The following SMAD3 variants were observed in gnomAD, a reference collection of about 807,000 sequenced individuals.
SMAD3 encodes SMAD family member 3.
Under a neutral mutation model 51.8 loss-of-function variants are expected in SMAD3, and 12 were observed. That is an observed-to-expected ratio of 0.23 (90% CI 0.15 to 0.38). The LOEUF (loss-of-function observed/expected upper bound fraction) is 0.38, where lower values mean the gene tolerates loss of function less well. Ranked by LOEUF, SMAD3 falls within the 10% of genes least tolerant of loss-of-function variation. The pLI is 1.00. For synonymous variants in SMAD3, 238 were observed against 227.7 expected (o/e 1.05, Z -0.41); for missense variants, 294 against 565.6 (o/e 0.52, Z 4.87).
chr15:67,131,470 T>G (rs1371585411), intron 1 of SMAD3, among the ~76,000 whole-genome samples: 4 of 152,244 alleles, frequency 2.6e-5, no homozygotes, highest in Non-Finnish European at 5.9e-5. Flanking sequence ...TGTTTTACTT[T>G]TAGGAGCAAT....
intron 1 of SMAD3, among the ~76,000 whole-genome samples, chr15:67,153,789 C>T (rs1249871748): frequency 6.6e-6 from 1 of 152,178 alleles, no homozygotes; most frequent in African/African-American, 2.4e-5. Context: ...TTGAGAAACT[C>T]TGGGCCTCGC....
chr15:67,144,931 G>A (rs759461169), intron 1 of SMAD3, among the ~76,000 whole-genome samples: 6 of 152,162 alleles, frequency 3.9e-5, no homozygotes, highest in Non-Finnish European at 7.3e-5. Context: ...TGGAGTGCAG[G>A]CAGGAAGTTA....
chr15:67,152,676 C>G (rs745448668), intron 1 of SMAD3, among the ~76,000 whole-genome samples: 13 of 152,336 alleles, frequency 8.5e-5, no homozygotes, highest in Non-Finnish European at 1.9e-4. Context: ...AATGGCCACC[C>G]AGAAGATTCT....
chr15:67,145,962 A>G (rs1961965217), intron 1 of SMAD3: 2 of 152,022 alleles, frequency 1.3e-5, no homozygotes, highest in African/African-American at 4.8e-5. Context: ...CTTGTGGAAT[A>G]CTCCTAACCT....
chr15:67,167,311 T>C (rs989144772), intron 4 of SMAD3, among the ~76,000 whole-genome samples: 6 of 152,156 alleles, frequency 3.9e-5, no homozygotes, highest in African/African-American at 7.2e-5. Flanking sequence ...TCAGTGTGTC[T>C]GGAGTCCAGA....
intron 5 of SMAD3, among the ~76,000 whole-genome samples, chr15:67,177,144 TC>T (rs1214459334): frequency 7.2e-5 from 11 of 152,164 alleles, no homozygotes; most frequent in Admixed American, 7.2e-4. Flanking sequence ...CTGAGAGATT[TC>T]TTTTAAGATT....
At chr15:67,128,809 A>G (rs2140250510) in intron 1 of SMAD3, among the ~76,000 whole-genome samples, 1 of 152,258 alleles carries the variant, frequency 6.6e-6, no homozygotes, top group South Asian at 2.1e-4. Context: ...TCCTGGCCTC[A>G]AGCGATCCTC....
intron 4 of SMAD3, among the ~76,000 whole-genome samples, chr15:67,167,388 A>T (rs1039074729): frequency 6.6e-6 from 1 of 152,114 alleles, no homozygotes; most frequent in Non-Finnish European, 1.5e-5. Flanking sequence ...AGAAGATGGG[A>T]GGGCCTGCCA....
intron 6 of SMAD3, among the ~76,000 whole-genome samples, chr15:67,183,953 G>C (rs1385225055): frequency 6.6e-6 from 1 of 152,134 alleles, no homozygotes; most frequent in African/African-American, 2.4e-5. Context: ...AGCCCTGCAG[G>C]TTTACTGAAT....
chr15:67,175,571 A>G (rs1199225879), intron 5 of SMAD3, among the ~76,000 whole-genome samples: 1 of 152,186 alleles, frequency 6.6e-6, no homozygotes, highest in African/African-American at 2.4e-5. Flanking sequence ...TATTTCTTCC[A>G]AAGGGAGGAC....
chr15:67,092,111 C>T (rs750488319), intron 1 of SMAD3, among the ~76,000 whole-genome samples: 2 of 152,146 alleles, frequency 1.3e-5, no homozygotes, highest in Non-Finnish European at 2.9e-5. Flanking sequence ...CTCCTACCCA[C>T]TACTTGCTGT....
chr15:67,168,654 C>T (rs1253555122), intron 4 of SMAD3, among the ~76,000 whole-genome samples: 1 of 152,234 alleles, frequency 6.6e-6, no homozygotes, highest in Admixed American at 6.5e-5. Context: ...TTTCTTCTCC[C>T]TCCTCTTCCT....
At chr15:67,129,896 T>C (rs987031968) in intron 1 of SMAD3, among the ~76,000 whole-genome samples, 5 of 152,228 alleles carry the variant, frequency 3.3e-5, no homozygotes, top group Admixed American at 2.0e-4. Flanking sequence ...AGTGCTGCCA[T>C]GTGGCTGGTG....
chr15:67,178,799 G>A (rs1777662039), intron 5 of SMAD3, among the ~76,000 whole-genome samples: 1 of 152,250 alleles, frequency 6.6e-6, no homozygotes, highest in South Asian at 2.1e-4. Flanking sequence ...TGGCTGACGT[G>A]GCTCAGCCTC....
At chr15:67,183,023 A>ATT (rs1963120708) in intron 6 of SMAD3, among the ~76,000 whole-genome samples, 1 of 72,972 alleles carries the variant, frequency 1.4e-5, no homozygotes, top group Non-Finnish European at 2.4e-5. Context: ...ATATATATAT[A>ATT]TATATATATT....
Position 67,191,362 on chromosome 15 carries a change from G to A in SMAD3, c.*826G>A, listed in dbSNP as rs540986513. 4.3e-6 allele frequency: 1 copy of A among 233,444 alleles called. No homozygotes were observed. The highest frequency in any genetic ancestry group is 5.6e-5 in the Admixed American group (1 of 17,804). The allele number at this position is 233,444 out of a possible 1,614,324, so 14.5% of individuals were successfully genotyped here. A position where few individuals can be genotyped will look rare whatever the true frequency, so the allele number is the denominator to read the frequency against. ...TGACGGTAAGTGTTCTCATGAAGCAGGAGGCCCTTGTCGTGGGATGGCATT... is the reference window on the plus strand; with the variant it reads ...TGACGGTAAGTGTTCTCATGAAGCAAGAGGCCCTTGTCGTGGGATGGCATT... On this transcript the variant is annotated 3_prime_UTR_variant, in exon 9 of 9. Coordinates refer to ENST00000327367, the MANE Select transcript of SMAD3 (RefSeq NM_005902.4).
chr15:67,190,838 C>A lies in SMAD3; in HGVS notation c.*302C>A. The stretch of plus-strand genomic sequence containing the variant: ...AGTATTACACCACCGGCCCCCTCCC[C>A]CCAGACTCTTTTTTTGAGTGACAGC... On this transcript the variant is annotated 3_prime_UTR_variant, in exon 9 of 9. Transcript: ENST00000327367. The A allele has an allele frequency of 2.2e-6, 1 of 456,836 alleles. No homozygotes were observed. The highest frequency in any genetic ancestry group is 4.0e-6 in the Non-Finnish European group (1 of 249,046). 28.3% of individuals were successfully genotyped at this position (456,836 alleles called of 1,614,324 possible).
intron 1 of SMAD3, among the ~76,000 whole-genome samples, chr15:67,080,362 G>A (rs569701069): frequency 1.4e-4 from 22 of 152,346 alleles, no homozygotes; most frequent in African/African-American, 4.8e-4. Flanking sequence ...TGGCTATGCT[G>A]ATGTCTACTA....
chr15:67,099,312 T>C (rs1960696507), intron 1 of SMAD3, among the ~76,000 whole-genome samples: 1 of 152,242 alleles, frequency 6.6e-6, no homozygotes, highest in African/African-American at 2.4e-5. Context: ...CTGCATAGTA[T>C]TTTATAGAGA....
Sources: allele counts gnomAD v4.1 joint callset (sites outside exome capture counted in the v4.1 genomes callset), GRCh38; gene constraint gnomAD v4.1.1; transcripts MANE v1.5; gene names NCBI Gene and HGNC (gene_info 2026-07-23, HGNC 2026-07-21).